Variants in UGT1A7 observed in about 807,000 individuals in gnomAD.
UGT1A7 encodes UDP-glucuronosyltransferase 1A7.
Under a neutral mutation model 45.6 loss-of-function variants are expected in UGT1A7, and 33 were observed. That is an observed-to-expected ratio of 0.72 (90% CI 0.55 to 0.97). The LOEUF is 0.97. UGT1A7 is among the 50% of genes least tolerant of loss of function. The pLI is 0.00. For synonymous variants in UGT1A7, 274 were observed against 250.6 expected, an observed-to-expected ratio of 1.09 and a Z score of -0.88; for missense variants, 684 against 666.2, an observed-to-expected ratio of 1.03 and a Z score of -0.29.
In UGT1A7 at chr2:233,731,687, A is replaced by G. The variant is rs552192672; in HGVS notation, c.856-35347A>G. Among the ~76,000 whole-genome samples, 734 of 152,308 alleles carry G rather than the reference A, an allele frequency of 4.8e-3. 10 individuals carry two copies. Among genetic ancestry groups the G allele is most frequent in the African/African-American group, 0.017 (699 of 41,550 alleles). On this transcript the variant is annotated intron_variant, in intron 1 of 4. Coordinates refer to ENST00000373426, the MANE Select transcript of UGT1A7 (RefSeq NM_019077.3). ...ATTTTCTTAATCCAGTCTATCATTG[A>G]TGGACATTTGGATTGGTTCCAGGTC...
chr2:233,742,825 T>A (rs1692111244), intron 1 of UGT1A7: 1 of 153,966 alleles, frequency 6.5e-6, no homozygotes, highest in South Asian at 2.0e-4. Context: ...TTTGTAGATT[T>A]CACCACTACA....
chr2:233,712,271 C>T (rs3893334), intron 1 of UGT1A7, among the ~76,000 whole-genome samples: 15,485 of 152,260 alleles, frequency 0.1, 907 homozygotes, highest in East Asian at 0.2. Flanking sequence ...GTGCTTTAGA[C>T]AGCAGCACCT....
chr2:233,730,157 C>T (rs1042969682), intron 1 of UGT1A7, among the ~76,000 whole-genome samples: 1 of 152,168 alleles, frequency 6.6e-6, no homozygotes, highest in Non-Finnish European at 1.5e-5. Context: ...TAAGGGGTCT[C>T]TAGTAGCGTA....
chr2:233,695,574 C>T (rs1290586951), intron 1 of UGT1A7, among the ~76,000 whole-genome samples: 3 of 151,864 alleles, frequency 2.0e-5, no homozygotes, highest in Non-Finnish European at 4.4e-5. Context: ...ACCCCCCCTT[C>T]CCTACTTACC....
intron 1 of UGT1A7, among the ~76,000 whole-genome samples, chr2:233,687,418 T>G (rs1231011370): frequency 6.6e-6 from 1 of 151,932 alleles, no homozygotes; most frequent in Non-Finnish European, 1.5e-5. Flanking sequence ...TATTGGAGGC[T>G]TACCGTGTAC....
intron 1 of UGT1A7, chr2:233,693,223 C>A: frequency 6.2e-7 from 1 of 1,614,176 alleles, no homozygotes; most frequent in South Asian, 1.1e-5. Context: ...CCAAATACTA[C>A]ACAAGAAAAA....
chr2:233,746,554 C>T (rs567530423), intron 1 of UGT1A7, among the ~76,000 whole-genome samples: 1 of 151,860 alleles, frequency 6.6e-6, no homozygotes, highest in South Asian at 2.1e-4. Flanking sequence ...ACTTCTTAGC[C>T]CCTAGAGCAC....
chr2:233,754,001 T>G (rs1457314312), intron 1 of UGT1A7, among the ~76,000 whole-genome samples: 1 of 152,230 alleles, frequency 6.6e-6, no homozygotes, highest in Non-Finnish European at 1.5e-5. Context: ...GTTTGGGTAA[T>G]TTGTTACAGC....
chr2:233,764,212 A>G (rs903605972), intron 1 of UGT1A7, among the ~76,000 whole-genome samples: 1 of 152,176 alleles, frequency 6.6e-6, no homozygotes, highest in Non-Finnish European at 1.5e-5. Context: ...TTTTCTTTGA[A>G]GGGAATCAAT....
At chr2:233,746,983 G>T (rs1426069164) in intron 1 of UGT1A7, among the ~76,000 whole-genome samples, 1 of 151,820 alleles carries the variant, frequency 6.6e-6, no homozygotes, top group Non-Finnish European at 1.5e-5. Context: ...AGCGAGCGCA[G>T]GGTCAGATGA....
At chr2:233,717,863 T>C (rs1490310722) in intron 1 of UGT1A7, 3 of 454,794 alleles carry the variant, frequency 6.6e-6, no homozygotes, top group East Asian at 6.9e-5. Flanking sequence ...TGGTGCTGGA[T>C]TGACTTGGAG....
intron 1 of UGT1A7, among the ~76,000 whole-genome samples, chr2:233,700,167 G>A (rs961586449): frequency 6.6e-6 from 1 of 152,190 alleles, no homozygotes; most frequent in African/African-American, 2.4e-5. Context: ...TACAAGGAAT[G>A]CTCATTCAGG....
In UGT1A7 at chr2:233,748,004, T is replaced by C. The variant is rs554173710; in HGVS notation, c.856-19030T>C. On this transcript the variant is annotated intron_variant, in intron 1 of 4. Coordinates refer to ENST00000373426, the MANE Select transcript of UGT1A7 (RefSeq NM_019077.3). ...TGTTCCGAGGGGACTTTGTGATGGATTACCCCAGGCCGATCATGCCCAACA... is the reference window on the plus strand; with the variant it reads ...TGTTCCGAGGGGACTTTGTGATGGACTACCCCAGGCCGATCATGCCCAACA... 1,894 of 1,613,440 alleles carry C rather than the reference T, an allele frequency of 1.2e-3. 7 individuals are homozygous for C. Among genetic ancestry groups the C allele is most frequent in the Non-Finnish European group, 1.4e-3 (1,636 of 1,179,848 alleles).
At chr2:233,698,074 C>G (rs535848761) in intron 1 of UGT1A7, among the ~76,000 whole-genome samples, 6 of 152,298 alleles carry the variant, frequency 3.9e-5, no homozygotes, top group African/African-American at 1.2e-4. Context: ...AAACTGGGCT[C>G]TAATGAATGT....
intron 1 of UGT1A7, among the ~76,000 whole-genome samples, chr2:233,759,599 A>ACCCCCCCCCCCCCCCCCCCC (rs1553620419): frequency 9.2e-6 from 1 of 108,662 alleles, no homozygotes; most frequent in African/African-American, 3.3e-5. Context: ...CCCACCCCCG[A>ACCCCCCCCCCCCCCCCCCCC]CCCGCCCCAC....
At chr2:233,738,547 G>T (rs1209764817) in intron 1 of UGT1A7, among the ~76,000 whole-genome samples, 1 of 152,216 alleles carries the variant, frequency 6.6e-6, no homozygotes, top group African/African-American at 2.4e-5. Context: ...CTGAGTCTCA[G>T]ATAGAGATGA....
intron 1 of UGT1A7, chr2:233,713,255 A>G (rs1242833896): frequency 6.2e-7 from 1 of 1,614,152 alleles, no homozygotes; most frequent in Admixed American, 1.7e-5. Flanking sequence ...CCCAGGACGA[A>G]TTTGATCGCC....
chr2:233,743,913 C>G (rs1692584630), intron 1 of UGT1A7: 1 of 1,365,508 alleles, frequency 7.3e-7, no homozygotes, highest in Non-Finnish European at 9.8e-7. Context: ...TAGTAGTCCA[C>G]CATGCTGGAT....
chr2:233,761,175 ACATG>A lies in UGT1A7; in HGVS notation c.856-5857_856-5854del, dbSNP rs768058244. The A allele has an allele frequency of 9.3e-6, 15 of 1,614,212 alleles. No homozygotes were observed. In the African/African-American group the frequency reaches 1.9e-4, roughly 20 times the overall value. On this transcript the variant is annotated intron_variant, in intron 1 of 4. Coordinates refer to ENST00000373426, the MANE Select transcript of UGT1A7 (RefSeq NM_019077.3). ...AGGTGTGTATTGGAGTGGGACTTTT[ACATG>A]CGTATATTCTTTCAGATGTATTACT... is the stretch of plus-strand genomic sequence containing the variant.
Sources: allele counts gnomAD v4.1 joint callset (sites outside exome capture counted in the v4.1 genomes callset), GRCh38; gene constraint gnomAD v4.1.1; transcripts MANE v1.5; gene names NCBI Gene and HGNC (gene_info 2026-07-23, HGNC 2026-07-21).